Variants in FGF14 observed in about 807,000 individuals in gnomAD.
FGF14 encodes the protein fibroblast growth factor 14, also known as fibroblast growth factor homologous factor 4.
FGF14 carries 5 observed loss-of-function variants against 25.5 expected under a neutral mutation model. The ratio of observed to expected loss-of-function variants is 0.20; its 90% CI spans 0.10 to 0.41. The LOEUF (loss-of-function observed/expected upper bound fraction) is 0.41, where lower values mean the gene tolerates loss of function less well. Ranked by LOEUF, FGF14 falls within the 10% of genes least tolerant of loss-of-function variation. FGF14 has a pLI of 1.00. For synonymous variants in FGF14, 138 were observed against 118.3 expected (o/e 1.17, Z -1.08); for missense variants, 222 against 320.1 (o/e 0.69, Z 2.34).
At chr13:102,281,523 T>C (rs988827608) in intron 1 of FGF14, among the ~76,000 whole-genome samples, 1 of 152,074 alleles carries the variant, frequency 6.6e-6, no homozygotes, top group East Asian at 1.9e-4. Context: ...TACTCCACCA[T>C]GGTCACCAAC....
intron 3 of FGF14, among the ~76,000 whole-genome samples, chr13:101,826,329 A>T (rs1276599691): frequency 6.6e-6 from 1 of 152,118 alleles, no homozygotes; most frequent in African/African-American, 2.4e-5. Context: ...GAAATTTATG[A>T]GTCTGAGGAT....
intron 1 of FGF14, among the ~76,000 whole-genome samples, chr13:102,230,433 A>G (rs2051029060): frequency 6.6e-6 from 1 of 152,222 alleles, no homozygotes; most frequent in Non-Finnish European, 1.5e-5. Flanking sequence ...CTGCAATTAC[A>G]AAGTAAAATA....
chr13:102,384,792 C>T (rs1566977981), intron 1 of FGF14, among the ~76,000 whole-genome samples: 1 of 152,180 alleles, frequency 6.6e-6, no homozygotes, highest in South Asian at 2.1e-4. Context: ...AAAGTCATCA[C>T]AAGTTGATTA....
At chr13:101,827,035 C>T (rs2042425704) in intron 3 of FGF14, among the ~76,000 whole-genome samples, 2 of 151,840 alleles carry the variant, frequency 1.3e-5, no homozygotes. Flanking sequence ...AAAGGATACA[C>T]TTTTATGGTA....
intron 3 of FGF14, among the ~76,000 whole-genome samples, chr13:101,851,003 A>T (rs897532468): frequency 6.6e-6 from 1 of 152,042 alleles, no homozygotes; most frequent in East Asian, 1.9e-4. Context: ...AAAAGACATC[A>T]AACTCCTAAC....
intron 1 of FGF14, among the ~76,000 whole-genome samples, chr13:101,931,539 T>C (rs779411502): frequency 7.2e-5 from 11 of 152,150 alleles, no homozygotes; most frequent in Non-Finnish European, 1.5e-4. Context: ...CTGAAAGGCA[T>C]GAGAGATTTT....
In FGF14 at chr13:102,157,913, T is replaced by A. The variant is rs796460364; in HGVS notation, c.208+243558A>T. 6.6e-5 allele frequency among the ~76,000 whole-genome samples: 10 copies of A among 152,090 alleles called. No individual in the cohort carries two copies. In the East Asian group the frequency reaches 1.2e-3, roughly 18 times the overall value. ...GACATTTATGCAGCCAAAAGACACATGAAAAAATGCTCATCATCACTGGCC... is the reference window on the plus strand; with the variant it reads ...GACATTTATGCAGCCAAAAGACACAAGAAAAAATGCTCATCATCACTGGCC... On this transcript the variant is annotated intron_variant, in intron 1 of 4. Coordinates refer to the FGF14 transcript ENST00000376131.
chr13:102,006,349 A>T (rs1160211354), intron 1 of FGF14, among the ~76,000 whole-genome samples: 2 of 152,238 alleles, frequency 1.3e-5, no homozygotes, highest in African/African-American at 4.8e-5. Flanking sequence ...AGCAGGTGTT[A>T]CTTGCCAATC....
intron 3 of FGF14, among the ~76,000 whole-genome samples, chr13:101,821,373 T>A (rs1308091893): frequency 6.6e-6 from 1 of 152,228 alleles, no homozygotes; most frequent in Non-Finnish European, 1.5e-5. Flanking sequence ...GTATCAATAG[T>A]GTGTTACTTT....
chr13:102,032,670 T>A (rs1352221245), intron 1 of FGF14, among the ~76,000 whole-genome samples: 1 of 152,146 alleles, frequency 6.6e-6, no homozygotes. Context: ...GTGACACAGT[T>A]TGGGGGAGAG....
At chr13:102,122,664 A>T (rs1035759040) in intron 1 of FGF14, among the ~76,000 whole-genome samples, 5 of 152,242 alleles carry the variant, frequency 3.3e-5, no homozygotes, top group African/African-American at 1.2e-4. Context: ...ATTTAGTTAC[A>T]TGCCCTACAT....
At chr13:102,262,405 T>C (rs570397403) in intron 1 of FGF14, among the ~76,000 whole-genome samples, 4 of 152,126 alleles carry the variant, frequency 2.6e-5, no homozygotes, top group Non-Finnish European at 4.4e-5. Flanking sequence ...TTTTATTTCA[T>C]GCTCACTCTG....
chr13:101,958,100 C>T (rs1337844553), intron 1 of FGF14, among the ~76,000 whole-genome samples: 1 of 152,162 alleles, frequency 6.6e-6, no homozygotes, highest in Non-Finnish European at 1.5e-5. Flanking sequence ...ACCTGAATAC[C>T]TAATTGTTGG....
At chr13:102,360,958 T>A (rs1156294099) in intron 1 of FGF14, among the ~76,000 whole-genome samples, 3 of 152,106 alleles carry the variant, frequency 2.0e-5, no homozygotes, top group African/African-American at 7.2e-5. Context: ...GGGATTAGAT[T>A]GCTGTATCAT....
chr13:101,892,134 T>C (rs150686242), intron 1 of FGF14, among the ~76,000 whole-genome samples: 264 of 152,236 alleles, frequency 1.7e-3, no homozygotes, highest in African/African-American at 6.2e-3. Context: ...TAATAGGGAA[T>C]TGAACACAAC....
intron 1 of FGF14, among the ~76,000 whole-genome samples, chr13:102,183,459 A>G (rs1283308333): frequency 6.6e-6 from 1 of 152,164 alleles, no homozygotes; most frequent in Admixed American, 6.5e-5. Flanking sequence ...TGCCATATAG[A>G]CTAGTTAACC....
At chr13:101,798,205 TCACA>T (rs2140123347) in intron 3 of FGF14, among the ~76,000 whole-genome samples, 1 of 152,254 alleles carries the variant, frequency 6.6e-6, no homozygotes, top group Non-Finnish European at 1.5e-5. Flanking sequence ...TCAACATGTC[TCACA>T]GTTTTCCCTG....
chr13:102,373,170 C>T (rs897328439), intron 1 of FGF14, among the ~76,000 whole-genome samples: 5 of 152,084 alleles, frequency 3.3e-5, no homozygotes, highest in East Asian at 1.9e-4. Context: ...TACAGGCTTG[C>T]GTGTTTGTGT....
At chr13:101,776,277 T>C (rs2039097871) in intron 3 of FGF14, among the ~76,000 whole-genome samples, 1 of 152,166 alleles carries the variant, frequency 6.6e-6, no homozygotes, top group Admixed American at 6.5e-5. Context: ...AATTTAGAAC[T>C]GTCCTCTGGA....
Sources: allele counts gnomAD v4.1 joint callset (sites outside exome capture counted in the v4.1 genomes callset), GRCh38; gene constraint gnomAD v4.1.1; transcripts MANE v1.5; gene names NCBI Gene and HGNC (gene_info 2026-07-23, HGNC 2026-07-21).